CRPPA: variants seen among roughly 807,000 people sequenced by gnomAD.
CRPPA encodes D-ribitol-5-phosphate cytidylyltransferase.
A neutral mutation model predicts 52.0 loss-of-function variants in CRPPA; 43 were observed. That is an observed-to-expected ratio of 0.83 (90% CI 0.65 to 1.07). The LOEUF (loss-of-function observed/expected upper bound fraction) is 1.07. Ranked by LOEUF, CRPPA falls within the 50% of genes least tolerant of loss-of-function variation. The pLI, the probability that CRPPA is intolerant of heterozygous loss-of-function variation, is 0.00. For synonymous variants in CRPPA, 250 were observed against 203.5 expected, an observed-to-expected ratio of 1.23 and a Z score of -1.94; for missense variants, 629 against 551.7, an observed-to-expected ratio of 1.14 and a Z score of -1.40.
chr7:16,348,051 T>G (rs1786060469), intron 3 of CRPPA, among the ~76,000 whole-genome samples: 1 of 152,078 alleles, frequency 6.6e-6, no homozygotes, highest in Non-Finnish European at 1.5e-5. Flanking sequence ...ATTCTTCCAG[T>G]GGCTACTTGG....
chr7:16,183,136 T>G (rs1562544026), intron 9 of CRPPA, among the ~76,000 whole-genome samples: 2 of 151,978 alleles, frequency 1.3e-5, no homozygotes, highest in Non-Finnish European at 1.5e-5. Flanking sequence ...CACATTCACA[T>G]GTCAATAAGT....
intron 6 of CRPPA, chr7:16,261,857 G>C (rs1322707989): frequency 6.6e-6 from 1 of 151,982 alleles, no homozygotes; most frequent in Non-Finnish European, 1.5e-5. Flanking sequence ...AGTACGCATA[G>C]TTGTTACATT....
chr7:16,308,441 T>G (rs1170991745), intron 4 of CRPPA, 82 bp downstream of exon 4: 2 of 752,168 alleles, frequency 2.7e-6, no homozygotes, highest in East Asian at 5.3e-5. Flanking sequence ...TCCTACTCAA[T>G]GCACTACTGG....
intron 5 of CRPPA, among the ~76,000 whole-genome samples, chr7:16,288,461 A>T (rs1042193283): frequency 6.6e-6 from 1 of 152,160 alleles, no homozygotes. Flanking sequence ...TAACATAACA[A>T]GCTGATGATG....
At chr7:16,408,483 G>A (rs998696798) in intron 1 of CRPPA, among the ~76,000 whole-genome samples, 26 of 152,150 alleles carry the variant, frequency 1.7e-4, no homozygotes, top group Non-Finnish European at 3.1e-4. Flanking sequence ...GCAGAGCCTT[G>A]GAGGCCCAGG....
At chr7:16,176,941 G>C (rs1781312050) in intron 9 of CRPPA, among the ~76,000 whole-genome samples, 1 of 151,892 alleles carries the variant, frequency 6.6e-6, no homozygotes, top group Admixed American at 6.6e-5. Flanking sequence ...ATCATTATAT[G>C]GTATATCCAT....
At chr7:16,238,935 C>A (rs1263797373) in intron 8 of CRPPA, among the ~76,000 whole-genome samples, 1 of 151,992 alleles carries the variant, frequency 6.6e-6, no homozygotes, top group East Asian at 1.9e-4. Context: ...GTCAGGAGTT[C>A]GAGACCAGCC....
intron 5 of CRPPA, among the ~76,000 whole-genome samples, chr7:16,294,810 C>G (rs1784638095): frequency 6.6e-6 from 1 of 151,850 alleles, no homozygotes; most frequent in Non-Finnish European, 1.5e-5. Context: ...CAAGAAAAAG[C>G]CTGATGAGAA....
chr7:16,364,063 C>T (rs532981637), intron 3 of CRPPA, among the ~76,000 whole-genome samples: 1 of 152,106 alleles, frequency 6.6e-6, no homozygotes, highest in South Asian at 2.1e-4. Context: ...AATTTAAAGA[C>T]ATCAACTTAA....
chr7:16,397,353 G>C (rs954824985), intron 2 of CRPPA, among the ~76,000 whole-genome samples: 3 of 152,180 alleles, frequency 2.0e-5, no homozygotes, highest in African/African-American at 7.2e-5. Context: ...ATGTGTTACA[G>C]GTGACTGACG....
intron 2 of CRPPA, among the ~76,000 whole-genome samples, chr7:16,403,813 C>T (rs1432067044): frequency 6.6e-6 from 1 of 151,754 alleles, no homozygotes; most frequent in Non-Finnish European, 1.5e-5. Flanking sequence ...AACTACATGA[C>T]TAAGAGCAGA....
chr7:16,251,705 A>T (rs1182130065), intron 8 of CRPPA, among the ~76,000 whole-genome samples: 1 of 152,186 alleles, frequency 6.6e-6, no homozygotes, highest in Non-Finnish European at 1.5e-5. Context: ...ACATACCAGA[A>T]TCTCTGGGAC....
chr7:16,191,242 G>C lies in CRPPA; in HGVS notation c.1251+24824C>G, dbSNP rs1781603596. Among the ~76,000 whole-genome samples the C allele has an allele frequency of 2.0e-5, 3 of 152,044 alleles. No individual in the cohort carries two copies. In the South Asian group the frequency reaches 6.2e-4, roughly 32 times the overall value. On this transcript the variant is annotated intron_variant, in intron 9 of 9. Transcript: ENST00000407010. ...ATAGTGTAAAGCAGAGGTTTGCCGA[G>C]TATGTTCTAGAATGAAGACCCCCTT...
rs1352717338 is a variant in CRPPA, at chr7:16,133,178, A to G, written c.1252-41379T>C. Among the ~76,000 whole-genome samples, 4 of 122,154 alleles carry G rather than the reference A, an allele frequency of 3.3e-5. 2 individuals carry two copies. The East Asian group carries it at 1.4e-3, about 43-fold the overall frequency. 80.1% of individuals were successfully genotyped at this position (122,154 alleles called of 152,430 possible). ...AAAAATAAAAAAAAGTTAGTTGGGT[A>G]TGGTGGTGCATTACTGTAGTCCCAG... On this transcript the variant is annotated intron_variant, in intron 9 of 9. Transcript: ENST00000407010.
At chr7:16,269,271 TTGA>T (rs1784032087) in intron 6 of CRPPA, 1 of 147,198 alleles carries the variant, frequency 6.8e-6, no homozygotes, top group African/African-American at 2.6e-5. Flanking sequence ...GACACAACAA[TTGA>T]TGAGTAATTT....
chr7:16,180,117 C>T (rs974463378), intron 9 of CRPPA, among the ~76,000 whole-genome samples: 7 of 152,020 alleles, frequency 4.6e-5, no homozygotes, highest in East Asian at 1.9e-4. Context: ...TATTCTTGTA[C>T]GATACAGACA....
intron 2 of CRPPA, among the ~76,000 whole-genome samples, chr7:16,389,185 G>T (rs1787374236): frequency 6.6e-6 from 1 of 152,076 alleles, no homozygotes. Flanking sequence ...AAAATTTAAA[G>T]AACAGTTAAT....
At chr7:16,232,933 T>C (rs193185616) in intron 8 of CRPPA, among the ~76,000 whole-genome samples, 4 of 152,236 alleles carry the variant, frequency 2.6e-5, no homozygotes, top group Admixed American at 2.6e-4. Context: ...AAAACAGTTA[T>C]TAAAACTATG....
rs1163092089 is a variant in CRPPA, at chr7:16,389,913, C to CAAAAAAAAAAAAAAA, written c.535-13687_535-13673dup. ...GGATACAGAGAACAAGCCTAGTATACAAAAAAAAAAAAAAAATATATATAT... is the reference window on the plus strand; with the variant it reads ...GGATACAGAGAACAAGCCTAGTATACAAAAAAAAAAAAAAAAAAAAAAAAAAAAAAATATATATAT... On this transcript the variant is annotated intron_variant, in intron 2 of 9. Transcript: ENST00000407010. 2.0e-3 allele frequency among the ~76,000 whole-genome samples: 69 copies of CAAAAAAAAAAAAAAA among 34,286 alleles called. 3 individuals are homozygous for CAAAAAAAAAAAAAAA. The highest frequency in any genetic ancestry group is 5.3e-3 in the East Asian group (4 of 758). The allele number at this position is 34,286 out of a possible 152,430, so 22.5% of individuals were successfully genotyped here. A position where few individuals can be genotyped will look rare whatever the true frequency, so the allele number is the denominator to read the frequency against.
Sources: gnomAD v4.1 joint callset for allele counts (sites outside exome capture counted in the v4.1 genomes callset) on GRCh38, gnomAD v4.1.1 for gene constraint, MANE v1.5 for transcripts, NCBI Gene and HGNC (gene_info 2026-07-23, HGNC 2026-07-21) for gene names.